MREG: variants seen among roughly 807,000 people sequenced by gnomAD.
MREG encodes the protein dilute suppressor protein homolog.
In MREG, 31 loss-of-function variants were observed where a neutral mutation model predicts 28.5. That is an observed-to-expected ratio of 1.09 (90% CI 0.82 to 1.47). The LOEUF (loss-of-function observed/expected upper bound fraction) is 1.47, where lower values mean the gene tolerates loss of function less well. MREG is among the 40% of genes most tolerant of loss of function. The pLI is 0.00. For synonymous variants in MREG, 106 were observed against 95.2 expected, an observed-to-expected ratio of 1.11 and a Z score of -0.66; for missense variants, 256 against 257.4, an observed-to-expected ratio of 0.99 and a Z score of 0.04.
At chr2:215,978,214 C>A (rs544344008) in intron 2 of MREG, among the ~76,000 whole-genome samples, 1 of 152,114 alleles carries the variant, frequency 6.6e-6, no homozygotes, top group East Asian at 1.9e-4. Context: ...ACCACCGATC[C>A]CACAGAAATA....
intron 2 of MREG, among the ~76,000 whole-genome samples, chr2:215,994,852 CT>C (rs1291579278): frequency 2.0e-5 from 3 of 152,068 alleles, no homozygotes; most frequent in Non-Finnish European, 4.4e-5. Context: ...TTTCCAGCCC[CT>C]TTCACATTTG....
At chr2:216,031,469 AAGAAAG>A (rs1559203884) in intron 1 of MREG, among the ~76,000 whole-genome samples, 1 of 126,580 alleles carries the variant, frequency 7.9e-6, no homozygotes, top group Admixed American at 9.1e-5. Flanking sequence ...GAAAGAAAGA[AAGAAAG>A]AGAAAGAAAG....
chr2:216,028,975 GT>G (rs913099160), intron 1 of MREG, among the ~76,000 whole-genome samples: 4 of 151,990 alleles, frequency 2.6e-5, no homozygotes, highest in Non-Finnish European at 4.4e-5. Context: ...CACAGTTTTG[GT>G]TTTCCCCCCA....
At chr2:215,982,086 T>A (rs769212865) in intron 2 of MREG, among the ~76,000 whole-genome samples, 1 of 152,146 alleles carries the variant, frequency 6.6e-6, no homozygotes, top group Non-Finnish European at 1.5e-5. Context: ...TTTGGGAGGC[T>A]GAGGTGGGTG....
At chr2:215,986,305 G>C (rs1179547085) in intron 2 of MREG, among the ~76,000 whole-genome samples, 1 of 152,110 alleles carries the variant, frequency 6.6e-6, no homozygotes, top group Non-Finnish European at 1.5e-5. Flanking sequence ...AGTATTTGTG[G>C]GTCCACATTC....
rs551473268 is a variant in MREG at position 215,989,935 on chromosome 2, G to A, written c.255+6371C>T. Among the ~76,000 whole-genome samples, 10 of 152,238 alleles carry A rather than the reference G, an allele frequency of 6.6e-5. No individual in the cohort carries two copies. In the South Asian group the frequency reaches 1.7e-3, roughly 25 times the overall value. ...CTATGTTTGATTGGTATACCTGAAA[G>A]TGATGGGGAGAGTGGAACCAAGTTG... On this transcript the variant is annotated intron_variant, in intron 2 of 4. Coordinates refer to ENST00000263268, the MANE Select transcript of MREG (RefSeq NM_018000.3).
chr2:216,021,232 C>T (rs1344726943), intron 1 of MREG, among the ~76,000 whole-genome samples: 1 of 152,114 alleles, frequency 6.6e-6, no homozygotes, highest in African/African-American at 2.4e-5. Context: ...ATTGCAACCT[C>T]CACCTCCTGG....
At chr2:216,014,880 A>G (rs1694407993), upstream of MREG, among the ~76,000 whole-genome samples, 1 of 152,146 alleles carries the variant, frequency 6.6e-6, no homozygotes, top group Non-Finnish European at 1.5e-5. Context: ...TTCCAGTCTG[A>G]TTTATTCAAC....
intron 2 of MREG, among the ~76,000 whole-genome samples, chr2:215,957,527 C>T (rs1173916196): frequency 7.2e-5 from 11 of 152,068 alleles, no homozygotes; most frequent in South Asian, 2.1e-4. Context: ...AGAGAGGAGG[C>T]GGGCAGGAGC....
chr2:215,946,191 T>C (rs1047130027), intron 3 of MREG, among the ~76,000 whole-genome samples: 1 of 149,810 alleles, frequency 6.7e-6, no homozygotes, highest in Non-Finnish European at 1.5e-5. Flanking sequence ...CCCAAAAGTA[T>C]AAAGGATTCA....
intron 2 of MREG, among the ~76,000 whole-genome samples, chr2:215,962,203 A>G (rs1466106778): frequency 6.6e-6 from 1 of 152,200 alleles, no homozygotes; most frequent in Non-Finnish European, 1.5e-5. Context: ...CTAATTCTTT[A>G]TCCTGGTTTT....
intron 2 of MREG, among the ~76,000 whole-genome samples, chr2:215,961,994 T>A (rs1265964768): frequency 6.6e-6 from 1 of 152,224 alleles, no homozygotes; most frequent in South Asian, 2.1e-4. Context: ...GACAGGCACA[T>A]CCATAGCCTG....
chr2:216,033,282 C>A (rs1694738382), upstream of MREG, among the ~76,000 whole-genome samples: 1 of 152,002 alleles, frequency 6.6e-6, no homozygotes, highest in East Asian at 1.9e-4. Context: ...ATCAACATTT[C>A]TTAAATAAAA....
chr2:216,033,307 C>T (rs554098011), upstream of MREG, among the ~76,000 whole-genome samples: 3 of 152,182 alleles, frequency 2.0e-5, no homozygotes, highest in Non-Finnish European at 2.9e-5. Flanking sequence ...ATAACAACTG[C>T]CATGCCATTA....
Position 216,031,691 on chromosome 2 carries a change from G to GAAAGAA in MREG, c.-68+1097_-68+1098insTTCTTT, listed in dbSNP as rs1473248845. On this transcript the variant is annotated intron_variant, in intron 1 of 3. Coordinates refer to the MREG transcript ENST00000420348. ...AGAAAGAAAGAAAGAAAGAAAGAAA[G>GAAAGAA]AGAAAGAAAGAAAGAAAGAAAGGGA... Among the ~76,000 whole-genome samples the GAAAGAA allele has an allele frequency of 1.5e-3, 89 of 61,162 alleles. 1 individual carries two copies. Among genetic ancestry groups the GAAAGAA allele is most frequent in the African/African-American group, 4.6e-3 (76 of 16,618 alleles). The allele number at this position is 61,162 out of a possible 152,430, so 40.1% of individuals were successfully genotyped here.
intron 2 of MREG, among the ~76,000 whole-genome samples, chr2:215,979,982 A>AC (rs890495672): frequency 1.4e-5 from 2 of 142,190 alleles, no homozygotes; most frequent in African/African-American, 2.8e-5. Flanking sequence ...AACAAACAAA[A>AC]AAAAAAAACA....
At chr2:216,007,913 A>T (rs1260013592) in intron 1 of MREG, among the ~76,000 whole-genome samples, 4 of 152,206 alleles carry the variant, frequency 2.6e-5, no homozygotes, top group Admixed American at 2.0e-4. Context: ...ATATTAAATA[A>T]GGTGTCTTTA....
chr2:215,947,073 T>C lies in MREG; in HGVS notation c.296A>G (p.Gln99Arg), dbSNP rs569939283. 6.2e-7 allele frequency: 1 copy of C among 1,613,248 alleles called. No individual in the cohort carries two copies. ...KLNYDIHTLR[Q>R]VRREVRNRWK... ...TCTGTTTCTTACTTCCCTTCGAACC[T>C]GCCGCAGGGTATGGATATCATAGTT... The change falls in exon 3 of 5, where the codon CAG becomes CGG. Residue 99 changes from glutamine to arginine, a missense_variant. Coordinates refer to ENST00000263268, the MANE Select transcript of MREG (RefSeq NM_018000.3).
In MREG at chr2:215,944,929, C is replaced by A; in HGVS notation, c.579G>T (p.Lys193Asn). 1 of 1,608,566 alleles carries A rather than the reference C, an allele frequency of 6.2e-7. No homozygotes were observed. The highest frequency in any genetic ancestry group is 1.3e-5 in the African/African-American group (1 of 74,968). Residue 193 changes from lysine (K) to asparagine (N), a missense_variant, in exon 5 of 5, where the codon AAG becomes AAT. Transcript: ENST00000263268. ...FKLARRTYPKKPGVPCLADGQ... is the reference protein window; with the variant it reads ...FKLARRTYPKNPGVPCLADGQ... Reference sequence around the variant, plus strand: ...CATCTGCCAGGCATGGAACCCCAGGCTTCTTGGGGTAAGTTCGACGAGCAA... The same window carrying A: ...CATCTGCCAGGCATGGAACCCCAGGATTCTTGGGGTAAGTTCGACGAGCAA...
Sources: allele counts gnomAD v4.1 joint callset (sites outside exome capture counted in the v4.1 genomes callset), GRCh38; gene constraint gnomAD v4.1.1; transcripts MANE v1.5; gene names NCBI Gene and HGNC (gene_info 2026-07-23, HGNC 2026-07-21).